CKAP2: variants seen among roughly 807,000 people sequenced by gnomAD.
The protein encoded by CKAP2 is cytoskeleton associated protein 2.
CKAP2 carries 46 observed loss-of-function variants against 58.4 expected under a neutral mutation model. That is an observed-to-expected ratio of 0.79 (90% CI 0.62 to 1.01). The LOEUF is 1.01. Ranked by LOEUF, CKAP2 falls within the 50% of genes least tolerant of loss-of-function variation. The pLI is 0.00. For missense variants in CKAP2, 809 were observed against 796.4 expected (o/e 1.02, Z -0.19); for synonymous variants, 293 against 280.9 (o/e 1.04, Z -0.43).
rs1958813168 is a variant in CKAP2 at position 52,475,280 on chromosome 13, A to G, written c.*139A>G. 1 of 1,024,274 alleles carries G rather than the reference A, an allele frequency of 9.8e-7. No homozygotes were observed. The highest frequency in any genetic ancestry group is 1.4e-6 in the Non-Finnish European group (1 of 714,956). The allele number at this position is 1,024,274 out of a possible 1,614,324, so 63.4% of individuals were successfully genotyped here. A position where few individuals can be genotyped will look rare whatever the true frequency, so the allele number is the denominator to read the frequency against. ...AGCATTCACGGCAGTGAGCTCCTTT[A>G]CTAACATTCATGTTATGGCAAGAGT... On this transcript the variant is annotated 3_prime_UTR_variant, in exon 9 of 9. Transcript: ENST00000258607.
chr13:52,458,485 AG>A (rs1409891248), intron 2 of CKAP2, among the ~76,000 whole-genome samples: 1 of 152,376 alleles, frequency 6.6e-6, no homozygotes, highest in Non-Finnish European at 1.5e-5. Flanking sequence ...CAACAAGGTC[AG>A]GGGTTTATAA....
rs1197088434 is a variant in CKAP2, at chr13:52,473,363, A to G, written c.1547-466A>G. On this transcript the variant is annotated intron_variant, in intron 7 of 8. Transcript: ENST00000258607. ...AATCTAGCTCTTGTTTACCTATCTA[A>G]GCTCAATACCTCCTGCTCCCACTCC... is the stretch of plus-strand genomic sequence containing the variant. 2.0e-5 allele frequency among the ~76,000 whole-genome samples: 3 copies of G among 152,244 alleles called. No homozygotes were observed. The East Asian group carries it at 5.8e-4, about 29-fold the overall frequency.
At chr13:52,472,635 C>CA (rs1454507671) in intron 7 of CKAP2, among the ~76,000 whole-genome samples, 1 of 151,858 alleles carries the variant, frequency 6.6e-6, no homozygotes, top group East Asian at 1.9e-4. Flanking sequence ...CCCTTTCTCC[C>CA]AAAAAAGAAA....
chr13:52,474,753 C>G (rs1209570002), intron 8 of CKAP2, 142 bp from the exon 9 acceptor site: 1 of 766,004 alleles, frequency 1.3e-6, no homozygotes, highest in Non-Finnish European at 2.0e-6. Context: ...CTTCGGTGAG[C>G]TTATAGTACC....
intron 7 of CKAP2, among the ~76,000 whole-genome samples, chr13:52,472,040 C>T (rs1461667864): frequency 6.6e-6 from 1 of 152,148 alleles, no homozygotes; most frequent in African/African-American, 2.4e-5. Context: ...TCTTTTCCCT[C>T]CAGGTCTCTC....
In CKAP2 at chr13:52,476,287, C is replaced by T. The variant is rs1261642989; in HGVS notation, c.*1146C>T. On this transcript the variant is annotated 3_prime_UTR_variant, in exon 9 of 9. Coordinates refer to ENST00000258607, the MANE Select transcript of CKAP2 (RefSeq NM_018204.5). ...TTTCTATTTATTGACTTCTCATGTT[C>T]TAGAGAGTAGGACTTTTATTCCGTG... The T allele has an allele frequency of 6.6e-6, 1 of 152,064 alleles. No homozygotes were observed. The highest frequency in any genetic ancestry group is 2.4e-5 in the African/African-American group (1 of 41,406). 9.4% of individuals were successfully genotyped at this position (152,064 alleles called of 1,614,324 possible).
At position 52,475,127 on chromosome 13, in the gene CKAP2, G is replaced by A. The variant is rs1958811185; in HGVS notation, c.2035G>A (p.Ala679Thr). The A allele has an allele frequency of 3.1e-6, 5 of 1,613,618 alleles. No individual in the cohort carries two copies. The highest frequency in any genetic ancestry group is 1.7e-5 in the Admixed American group (1 of 59,952). ...AGCACTGTGCCGGGTGTACTATGAG[G>A]CTGATACAACATAAGAGAAATAAAG... ...NAALCRVYYEADTT is the reference protein window; with the variant it reads ...NAALCRVYYETDTT The change falls in exon 9 of 9, where the codon GCT (alanine) becomes ACT (threonine). Residue 679 changes from alanine to threonine, a missense_variant. Around this residue, in one of 3 missense-constraint regions of CKAP2, gnomAD observed 283 missense variants for 287.6 expected, o/e 0.98. Transcript: ENST00000258607.
At chr13:52,472,813 G>A (rs1293111298) in intron 7 of CKAP2, among the ~76,000 whole-genome samples, 3 of 152,180 alleles carry the variant, frequency 2.0e-5, no homozygotes, top group Non-Finnish European at 4.4e-5. Context: ...AGAAGTCCAA[G>A]GTGGAAGAAT....
rs1958589131 is a variant in CKAP2 at position 52,461,841 on chromosome 13, C to T, written c.1015C>T (p.Pro339Ser). 1.2e-6 allele frequency: 2 copies of T among 1,613,950 alleles called. No individual in the cohort carries two copies. The highest frequency in any genetic ancestry group is 1.7e-5 in the Admixed American group (1 of 59,992). ...SNDKLMEKSE[P>S]VDQRRHTAGK... ...TGATAAACTGATGGAAAAGTCAGAG[C>T]CCGTTGACCAGCGAAGACATACTGC... The change falls in exon 4 of 9, where the codon CCC becomes TCC. Residue 339 changes from proline to serine, a missense_variant. By Grantham distance (74) the Pro-to-Ser change is moderately conservative. Around this residue, in one of 3 missense-constraint regions of CKAP2, gnomAD observed 523 missense variants for 492.4 expected, o/e 1.06. Transcript: ENST00000258607.
In CKAP2 at chr13:52,456,509, C is replaced by G. The variant is rs763714567; in HGVS notation, c.71-14C>G. The G allele has an allele frequency of 6.9e-6, 11 of 1,587,408 alleles. No individual in the cohort carries two copies. Among genetic ancestry groups the G allele is most frequent in the Non-Finnish European group, 9.5e-6 (11 of 1,160,750 alleles). On this transcript the variant is annotated splice_polypyrimidine_tract_variant and intron_variant, in intron 1 of 8. Coordinates refer to ENST00000258607, the MANE Select transcript of CKAP2 (RefSeq NM_018204.5). ...AACTAATATTGACTTGTAGCTCTTACCTTTGTTATCTAGAGCAAAGAAGAC... is the reference window on the plus strand; with the variant it reads ...AACTAATATTGACTTGTAGCTCTTAGCTTTGTTATCTAGAGCAAAGAAGAC...
chr13:52,475,261 C>T lies in CKAP2; in HGVS notation c.*120C>T. 1 of 1,217,794 alleles carries T rather than the reference C, an allele frequency of 8.2e-7. No individual in the cohort carries two copies. The highest frequency in any genetic ancestry group is 1.1e-6 in the Non-Finnish European group (1 of 883,386). The allele number at this position is 1,217,794 out of a possible 1,614,324, so 75.4% of individuals were successfully genotyped here. A position where few individuals can be genotyped will look rare whatever the true frequency, so the allele number is the denominator to read the frequency against. On this transcript the variant is annotated 3_prime_UTR_variant, in exon 9 of 9. Transcript: ENST00000258607. Reference sequence around the variant, plus strand: ...CATGTACCTATGTATCCTAAGCATTCACGGCAGTGAGCTCCTTTACTAACA... The same window carrying T: ...CATGTACCTATGTATCCTAAGCATTTACGGCAGTGAGCTCCTTTACTAACA...
At position 52,462,451 on chromosome 13, in the gene CKAP2, C is replaced by G; in HGVS notation, c.1189C>G (p.Gln397Glu). 7 of 1,613,936 alleles carry G rather than the reference C, an allele frequency of 4.3e-6. No homozygotes were observed. In the South Asian group the frequency reaches 5.5e-5, roughly 13 times the overall value. Residue 397 changes from glutamine (Q) to glutamate (E), a missense_variant, in exon 5 of 9, where the codon CAA (glutamine) becomes GAA (glutamate). Gln to Glu is a conservative substitution (Grantham distance 29). Transcript: ENST00000258607. ...SVVTQHEPAG[Q>E]NEKPVGSFWT... ...AGTTACTCAGCATGAGCCTGCAGGA[C>G]AAAATGAAAAACCAGTTGGGTCTTT...
At chr13:52,457,816 TG>T (rs1435070745) in intron 2 of CKAP2, among the ~76,000 whole-genome samples, 1 of 151,752 alleles carries the variant, frequency 6.6e-6, no homozygotes, top group Non-Finnish European at 1.5e-5. Context: ...ATCGTGCCAT[TG>T]CACTCCAGCC....
At chr13:52,462,613 C>A in intron 5 of CKAP2, 46 bp downstream of exon 5, 1 of 1,427,560 alleles carries the variant, frequency 7.0e-7, no homozygotes, top group Non-Finnish European at 9.7e-7. Flanking sequence ...TGCAAATTAC[C>A]TTCATAAGCA....
At chr13:52,456,984 C>G (rs763835425) in intron 2 of CKAP2, among the ~76,000 whole-genome samples, 1 of 152,044 alleles carries the variant, frequency 6.6e-6, no homozygotes, top group Non-Finnish European at 1.5e-5. Flanking sequence ...CCTCCACCTT[C>G]TGGGTTCAAG....
intron 8 of CKAP2, 134 bp downstream of exon 8, chr13:52,474,218 G>GCT: frequency 1.2e-6 from 1 of 861,200 alleles, no homozygotes; most frequent in South Asian, 1.9e-5. Context: ...GGGCATGGTG[G>GCT]CTCACGCCTG....
rs1459037569 is a variant in CKAP2, at chr13:52,465,938, T to TATATACACAC, written c.1476+482_1476+483insCATATACACA. 2.3e-5 allele frequency: 7 copies of TATATACACAC among 300,962 alleles called. No individual in the cohort carries two copies. In the East Asian group the frequency reaches 5.6e-4, roughly 24 times the overall value. 18.6% of individuals were successfully genotyped at this position (300,962 alleles called of 1,614,324 possible). ...ATACACACATATATATACACACATA[T>TATATACACAC]ATATACACATATATATGCACACATA... On this transcript the variant is annotated intron_variant, in intron 6 of 8. Coordinates refer to ENST00000258607, the MANE Select transcript of CKAP2 (RefSeq NM_018204.5).
intron 7 of CKAP2, among the ~76,000 whole-genome samples, chr13:52,472,066 CT>C (rs1306362359): frequency 4.6e-5 from 7 of 152,150 alleles, no homozygotes; most frequent in Non-Finnish European, 7.3e-5. Context: ...CAATCTTCTA[CT>C]TTTTCTTAAT....
intron 7 of CKAP2, among the ~76,000 whole-genome samples, chr13:52,469,413 C>T (rs1320561586): frequency 6.6e-6 from 1 of 152,062 alleles, no homozygotes; most frequent in Non-Finnish European, 1.5e-5. Flanking sequence ...TTTAAGAATT[C>T]TCTTTGCTGG....
Sources: gnomAD v4.1 joint callset for allele counts (sites outside exome capture counted in the v4.1 genomes callset) on GRCh38, gnomAD v4.1.1 for gene constraint, gnomAD v4.1.1 regional missense constraint, MANE v1.5 for transcripts, NCBI Gene and HGNC (gene_info 2026-07-23, HGNC 2026-07-21) for gene names.